Variants in IGFBP7 observed in about 807,000 individuals in gnomAD.
The protein encoded by IGFBP7 is insulin like growth factor binding protein 7.
A neutral mutation model predicts 29.4 loss-of-function variants in IGFBP7; 31 were observed. The ratio of observed to expected loss-of-function variants is 1.05; its 90% CI spans 0.79 to 1.42. The LOEUF (loss-of-function observed/expected upper bound fraction) is 1.42, where lower values mean the gene tolerates loss of function less well. Ranked by LOEUF, IGFBP7 falls within the 40% of genes most tolerant of loss-of-function variation. The pLI is 0.00. For missense variants in IGFBP7, 393 were observed against 395.5 expected, an observed-to-expected ratio of 0.99 and a Z score of 0.05; for synonymous variants, 172 against 174.9, an observed-to-expected ratio of 0.98 and a Z score of 0.13.
intron 1 of IGFBP7, among the ~76,000 whole-genome samples, chr4:57,066,012 C>T (rs1250401829): frequency 6.6e-6 from 1 of 152,200 alleles, no homozygotes; most frequent in Non-Finnish European, 1.5e-5. Context: ...AGACTCCATA[C>T]ACTCTTTGTC....
chr4:57,058,252 GATC>G (rs1724719201), intron 1 of IGFBP7, among the ~76,000 whole-genome samples: 1 of 152,190 alleles, frequency 6.6e-6, no homozygotes, highest in African/African-American at 2.4e-5. Context: ...GGAACATACT[GATC>G]ATCATATGTT....
intron 1 of IGFBP7, among the ~76,000 whole-genome samples, chr4:57,107,282 A>G (rs1045678401): frequency 1.1e-4 from 17 of 152,214 alleles, no homozygotes; most frequent in Non-Finnish European, 1.9e-4. Context: ...GGCAGATTGA[A>G]TCACACCATT....
At chr4:57,070,635 G>C (rs1004142522) in intron 1 of IGFBP7, among the ~76,000 whole-genome samples, 4 of 152,150 alleles carry the variant, frequency 2.6e-5, no homozygotes, top group African/African-American at 9.7e-5. Flanking sequence ...ATGATGTAAG[G>C]CTCTCAATCT....
At chr4:57,045,447 C>T (rs970010271) in intron 1 of IGFBP7, among the ~76,000 whole-genome samples, 8 of 152,208 alleles carry the variant, frequency 5.3e-5, no homozygotes, top group South Asian at 2.1e-4. Flanking sequence ...GGCTACAGAA[C>T]GGCCTTTTGG....
At chr4:57,093,243 A>G (rs1578647891) in intron 1 of IGFBP7, among the ~76,000 whole-genome samples, 1 of 152,210 alleles carries the variant, frequency 6.6e-6, no homozygotes, top group Admixed American at 6.5e-5. Flanking sequence ...GCTCACGCCT[A>G]TAATCCCAGC....
At chr4:57,049,177 C>T (rs569240302) in intron 1 of IGFBP7, among the ~76,000 whole-genome samples, 1 of 150,530 alleles carries the variant, frequency 6.6e-6, no homozygotes, top group Non-Finnish European at 1.5e-5. Context: ...CACCCTTTAC[C>T]CAGTTAGCCA....
intron 1 of IGFBP7, among the ~76,000 whole-genome samples, chr4:57,044,261 C>T (rs936284243): frequency 3.3e-5 from 5 of 152,342 alleles, no homozygotes; most frequent in African/African-American, 1.2e-4. Context: ...TTCTGGAGTG[C>T]TAATGGGCAA....
intron 1 of IGFBP7, among the ~76,000 whole-genome samples, chr4:57,045,472 C>T (rs994167857): frequency 6.6e-6 from 1 of 152,206 alleles, no homozygotes; most frequent in African/African-American, 2.4e-5. Context: ...GAGATGCAGT[C>T]TCTTGCAAAG....
chr4:57,103,185 A>G (rs1459648098), intron 1 of IGFBP7, among the ~76,000 whole-genome samples: 1 of 152,188 alleles, frequency 6.6e-6, no homozygotes, highest in Admixed American at 6.5e-5. Context: ...TTGTGATTAC[A>G]GTAACAGCTT....
chr4:57,032,627 T>C (rs1723964871), intron 3 of IGFBP7, 75 bp from the exon 4 acceptor site: 2 of 1,171,168 alleles, frequency 1.7e-6, no homozygotes, highest in South Asian at 1.2e-5. Flanking sequence ...GAGGTCATTA[T>C]TTCATAAATT....
intron 1 of IGFBP7, among the ~76,000 whole-genome samples, chr4:57,061,985 T>C (rs1316505998): frequency 6.6e-6 from 1 of 152,142 alleles, no homozygotes; most frequent in East Asian, 1.9e-4. Flanking sequence ...TTTATAGCCA[T>C]TACTTCATTT....
intron 1 of IGFBP7, among the ~76,000 whole-genome samples, chr4:57,053,202 T>A (rs35363729): frequency 6.6e-6 from 1 of 151,648 alleles, no homozygotes; most frequent in African/African-American, 2.4e-5. Context: ...ATTTTAGCAG[T>A]GATGGAGTTT....
intron 1 of IGFBP7, among the ~76,000 whole-genome samples, chr4:57,103,289 C>T (rs1389805308): frequency 6.6e-6 from 1 of 152,176 alleles, no homozygotes; most frequent in Admixed American, 6.5e-5. Flanking sequence ...AAATCCAGCT[C>T]CATCACTCAG....
intron 1 of IGFBP7, among the ~76,000 whole-genome samples, chr4:57,062,482 A>C (rs1006296860): frequency 2.6e-5 from 4 of 152,218 alleles, no homozygotes; most frequent in Non-Finnish European, 2.9e-5. Context: ...GTGGTTCTGG[A>C]TAAGTAGCTT....
chr4:57,089,115 C>G (rs998038282), intron 1 of IGFBP7, among the ~76,000 whole-genome samples: 1 of 150,736 alleles, frequency 6.6e-6, no homozygotes, highest in Non-Finnish European at 1.5e-5. Flanking sequence ...GGGATTTGAA[C>G]CCCACCCTCT....
intron 1 of IGFBP7, chr4:57,073,051 C>A: frequency 7.3e-7 from 1 of 1,372,954 alleles, no homozygotes; most frequent in Non-Finnish European, 1.0e-6. Context: ...GGCATGCTGC[C>A]AAGCTCTGGA....
At chr4:57,040,673 C>T (rs892735885) in intron 2 of IGFBP7, 151 bp downstream of exon 2, 1 of 663,810 alleles carries the variant, frequency 1.5e-6, no homozygotes. Flanking sequence ...TCCATGAATC[C>T]AGGGGAGGGG....
At chr4:57,097,090 C>T (rs986114400) in intron 1 of IGFBP7, among the ~76,000 whole-genome samples, 1 of 152,128 alleles carries the variant, frequency 6.6e-6, no homozygotes, top group Non-Finnish European at 1.5e-5. Context: ...AACCATCCAA[C>T]AAAAATTATT....
intron 1 of IGFBP7, among the ~76,000 whole-genome samples, chr4:57,084,842 T>C (rs1030056278): frequency 7.1e-6 from 1 of 141,116 alleles, no homozygotes; most frequent in Non-Finnish European, 1.5e-5. Flanking sequence ...CCAGGCTGGA[T>C]TATAGTCATG....
Sources: allele counts gnomAD v4.1 joint callset (sites outside exome capture counted in the v4.1 genomes callset), GRCh38; gene constraint gnomAD v4.1.1; transcripts MANE v1.5; gene names NCBI Gene and HGNC (gene_info 2026-07-23, HGNC 2026-07-21).